The following RASGRP1 variants were observed in gnomAD, a reference collection of about 807,000 sequenced individuals.
RASGRP1 encodes RAS guanyl-releasing protein 1.
Under a neutral mutation model 95.1 loss-of-function variants are expected in RASGRP1, and 37 were observed. The ratio of observed to expected loss-of-function variants is 0.39; its 90% CI spans 0.30 to 0.51. RASGRP1 has a LOEUF of 0.51. Among genes scored for constraint, RASGRP1 ranks in the 20% least tolerant of loss-of-function variants. The pLI is 0.80. For missense variants in RASGRP1, 711 were observed against 965.4 expected, an observed-to-expected ratio of 0.74 and a Z score of 3.49; for synonymous variants, 325 against 353.4, an observed-to-expected ratio of 0.92 and a Z score of 0.90.
chr15:38,503,475 A>G, intron 10 of RASGRP1, 99 bp from the exon 11 acceptor site: 1 of 924,488 alleles, frequency 1.1e-6, no homozygotes, highest in South Asian at 1.5e-5. Flanking sequence ...ATTTATGGAC[A>G]ATCTTCAATT....
intron 2 of RASGRP1, among the ~76,000 whole-genome samples, chr15:38,529,211 G>C (rs1216746243): frequency 6.6e-6 from 1 of 152,116 alleles, no homozygotes; most frequent in Non-Finnish European, 1.5e-5. Flanking sequence ...ACAGAAGTCA[G>C]GACAAACTCC....
At chr15:38,507,337 T>TTTAAA (rs10658485) in intron 9 of RASGRP1, among the ~76,000 whole-genome samples, 42,386 of 151,872 alleles carry the variant, frequency 0.28, 6,104 homozygotes, top group East Asian at 0.52. Context: ...TTGTTTGTTT[T>TTTAAA]TTAAATTACT....
chr15:38,538,605 TG>T (rs1299026976), intron 2 of RASGRP1, among the ~76,000 whole-genome samples: 2 of 152,130 alleles, frequency 1.3e-5, no homozygotes, highest in African/African-American at 4.8e-5. Context: ...ATGAAGAAAC[TG>T]AGGCAAGGAA....
At chr15:38,500,046 T>C (rs1037267275) in intron 14 of RASGRP1, 57 bp downstream of exon 14, 50 of 1,552,836 alleles carry the variant, frequency 3.2e-5, no homozygotes, top group Admixed American at 1.7e-4. Flanking sequence ...CAGTTCTCTA[T>C]AGCAGCGTGA....
At chr15:38,537,987 G>A (rs1285595394) in intron 2 of RASGRP1, among the ~76,000 whole-genome samples, 1 of 152,178 alleles carries the variant, frequency 6.6e-6, no homozygotes, top group Non-Finnish European at 1.5e-5. Context: ...CAAGGGGCTG[G>A]GCACGGTGGC....
rs192811089 is a variant in RASGRP1, at chr15:38,561,874, C to T, written c.36-1869G>A. Among the ~76,000 whole-genome samples, 9 of 152,340 alleles carry T rather than the reference C, an allele frequency of 5.9e-5. No homozygotes were observed. In the East Asian group the frequency reaches 1.7e-3, roughly 29 times the overall value. Reference sequence around the variant, plus strand: ...CCCTGTGATAGCCCCAGAATTGGATCAGTCTCTAAAAGCAAAATAATAATG... The same window carrying T: ...CCCTGTGATAGCCCCAGAATTGGATTAGTCTCTAAAAGCAAAATAATAATG... On this transcript the variant is annotated intron_variant, in intron 1 of 16. Transcript: ENST00000310803.
At chr15:38,520,141 G>T (rs1891945762) in intron 3 of RASGRP1, among the ~76,000 whole-genome samples, 1 of 152,198 alleles carries the variant, frequency 6.6e-6, no homozygotes, top group African/African-American at 2.4e-5. Context: ...CTCCAATGCA[G>T]TGATGAGCCC....
chr15:38,494,756 C>T lies in RASGRP1; in HGVS notation c.1885G>A (p.Gly629Arg), dbSNP rs780367030. ...AKDLLHAPEE[G>R]PFTFPNGEAV... is the part of the protein sequence containing the mutation. ...TCCCCATTAGGGAATGTAAAAGGTC[C>T]TTCCTCAGGTGCTGTAGGAAGATAC... Residue 629 changes from glycine to arginine, a missense_variant, in exon 16 of 17, where the codon GGA becomes AGA. This residue lies in a region of RASGRP1 where 212 missense variants were observed against 247.8 expected (regional missense o/e 0.86). Coordinates refer to ENST00000310803, the MANE Select transcript of RASGRP1 (RefSeq NM_005739.4). 1 of 1,498,744 alleles carries T rather than the reference C, an allele frequency of 6.7e-7. No individual in the cohort carries two copies. The highest frequency in any genetic ancestry group is 8.9e-7 in the Non-Finnish European group (1 of 1,127,472). The allele number at this position is 1,498,744 out of a possible 1,614,324, so 92.8% of individuals were successfully genotyped here.
intron 3 of RASGRP1, among the ~76,000 whole-genome samples, chr15:38,521,337 A>G (rs1420775437): frequency 6.6e-6 from 1 of 152,234 alleles, no homozygotes; most frequent in Non-Finnish European, 1.5e-5. Context: ...AAGTAGATAC[A>G]TTAAATCGAC....
intron 11 of RASGRP1, chr15:38,502,769 C>A: frequency 4.0e-6 from 1 of 247,960 alleles, no homozygotes; most frequent in Non-Finnish European, 7.8e-6. Context: ...GAAGCTTCTA[C>A]AAACAGCCCA....
Position 38,494,514 on chromosome 15 carries a change from G to A in RASGRP1, c.2127C>T (p.Pro709=). The A allele has an allele frequency of 6.2e-7, 1 of 1,602,052 alleles. No homozygotes were observed. The highest frequency in any genetic ancestry group is 8.5e-7 in the Non-Finnish European group (1 of 1,173,954). The change falls in exon 16 of 17, where the codon CCC becomes CCT. Residue 709 remains proline (P), a synonymous_variant. Coordinates refer to ENST00000310803, the MANE Select transcript of RASGRP1 (RefSeq NM_005739.4). The part of the protein sequence containing the change: ...AQDTLYVLPS[P]TSPCPSPVLV... ...AGACTGGGCTAGGACATGGAGAGGTGGGACTGGGAAGCACATATAGAGTAT... is the reference window on the plus strand; with the variant it reads ...AGACTGGGCTAGGACATGGAGAGGTAGGACTGGGAAGCACATATAGAGTAT...
chr15:38,503,567 C>T (rs1037386777), intron 10 of RASGRP1, 191 bp from the exon 11 acceptor site: 21 of 596,808 alleles, frequency 3.5e-5, no homozygotes, highest in African/African-American at 2.4e-4. Context: ...ATTGTGCTTA[C>T]GGTTTCCAGA....
At chr15:38,557,018 T>G (rs953089032) in intron 2 of RASGRP1, among the ~76,000 whole-genome samples, 1 of 152,112 alleles carries the variant, frequency 6.6e-6, no homozygotes, top group Non-Finnish European at 1.5e-5. Context: ...TCTAAACTCA[T>G]TAACAAAAAG....
chr15:38,530,993 C>G (rs570342585), intron 2 of RASGRP1, among the ~76,000 whole-genome samples: 2 of 152,234 alleles, frequency 1.3e-5, no homozygotes, highest in South Asian at 4.2e-4. Flanking sequence ...GCCATCAGCA[C>G]TGTCTAATGA....
chr15:38,540,419 C>G (rs1291704643), intron 2 of RASGRP1, among the ~76,000 whole-genome samples: 1 of 152,102 alleles, frequency 6.6e-6, no homozygotes, highest in Non-Finnish European at 1.5e-5. Context: ...AAAACAGTAA[C>G]TGGGCACTGA....
chr15:38,560,220 G>C, intron 1 of RASGRP1: 1 of 573,914 alleles, frequency 1.7e-6, no homozygotes, highest in Non-Finnish European at 3.1e-6. Flanking sequence ...TGCAACTAGT[G>C]CTCTTCATCC....
chr15:38,533,330 T>C (rs562621335), intron 2 of RASGRP1, among the ~76,000 whole-genome samples: 1 of 152,240 alleles, frequency 6.6e-6, no homozygotes, highest in African/African-American at 2.4e-5. Context: ...TCCAGAAACA[T>C]GGTTAGGCTG....
rs1375050114 is a variant in RASGRP1, at chr15:38,542,889, ATATGTG to A, written c.221-16491_221-16486del. ...CATATATGTGTATATATATACACAT[ATATGTG>A]TATATATATACACATATATATGTGT... On this transcript the variant is annotated intron_variant, in intron 2 of 16. Coordinates refer to ENST00000310803, the MANE Select transcript of RASGRP1 (RefSeq NM_005739.4). 3.4e-3 allele frequency among the ~76,000 whole-genome samples: 485 copies of A among 142,650 alleles called. 4 individuals carry two copies. The highest frequency in any genetic ancestry group is 8.5e-3 in the Admixed American group (120 of 14,146). The allele number at this position is 142,650 out of a possible 152,430, so 93.6% of individuals were successfully genotyped here. A position where few individuals can be genotyped will look rare whatever the true frequency, so the allele number is the denominator to read the frequency against.
Position 38,564,792 on chromosome 15 carries a change from A to G in RASGRP1, c.-164T>C. ...GGCGAGCCCGACCGAGGTGCACCGCAGGCACAAACTTTGTGCGAGCGCGCC... is the reference window on the plus strand; with the variant it reads ...GGCGAGCCCGACCGAGGTGCACCGCGGGCACAAACTTTGTGCGAGCGCGCC... On this transcript the variant is annotated 5_prime_UTR_variant, in exon 1 of 17. Transcript: ENST00000310803. 7 of 452,944 alleles carry G rather than the reference A, an allele frequency of 1.5e-5. 1 individual carries two copies. The highest frequency in any genetic ancestry group is 2.1e-4 in the South Asian group (2 of 9,730). 28.1% of individuals were successfully genotyped at this position (452,944 alleles called of 1,614,324 possible).
Sources: allele counts gnomAD v4.1 joint callset (sites outside exome capture counted in the v4.1 genomes callset), GRCh38; gene constraint gnomAD v4.1.1; regional missense constraint gnomAD v4.1.1; transcripts MANE v1.5; gene names NCBI Gene and HGNC (gene_info 2026-07-23, HGNC 2026-07-21).